Variants in MTRF1 observed in about 807,000 individuals in gnomAD.
MTRF1 encodes mitochondrial translation release factor 1, also known as peptide chain release factor 1, mitochondrial.
Under a neutral mutation model 62.9 loss-of-function variants are expected in MTRF1, and 51 were observed. That is an observed-to-expected ratio of 0.81 (90% confidence interval 0.65 to 1.02). MTRF1 has a LOEUF of 1.02. Among genes scored for constraint, MTRF1 ranks in the 50% least tolerant of loss-of-function variants. The pLI is 0.00. For missense variants in MTRF1, 446 were observed against 530.0 expected (o/e 0.84, Z 1.56); for synonymous variants, 158 against 181.9 (o/e 0.87, Z 1.06).
At chr13:41,247,926 CTAG>C (rs1386617023) in intron 5 of MTRF1, among the ~76,000 whole-genome samples, 1 of 152,174 alleles carries the variant, frequency 6.6e-6, no homozygotes, top group African/African-American at 2.4e-5. Context: ...CCTATCCTGA[CTAG>C]TAGATCACAG....
intron 2 of MTRF1, among the ~76,000 whole-genome samples, chr13:41,257,134 G>A (rs117230980): frequency 0.029 from 4,378 of 152,274 alleles, 100 homozygotes; most frequent in Non-Finnish European, 0.039. Context: ...AATATATCCA[G>A]AGAATGGCAA....
chr13:41,237,446 C>A (rs901554039), intron 6 of MTRF1, among the ~76,000 whole-genome samples: 11 of 151,476 alleles, frequency 7.3e-5, no homozygotes, highest in Admixed American at 6.6e-5. Flanking sequence ...AATAACATAA[C>A]CACACAGAAA....
chr13:41,230,519 C>T (rs183171724), intron 7 of MTRF1, among the ~76,000 whole-genome samples: 1 of 151,222 alleles, frequency 6.6e-6, no homozygotes, highest in African/African-American at 2.4e-5. Flanking sequence ...CTGCCTTGGC[C>T]TCCCAAAGTG....
intron 2 of MTRF1, among the ~76,000 whole-genome samples, chr13:41,259,712 A>AAAAAAAAAAAAAC (rs1555268029): frequency 1.5e-5 from 2 of 136,712 alleles, no homozygotes; most frequent in African/African-American, 5.5e-5. Context: ...AAAAAAAAAA[A>AAAAAAAAAAAAAC]AAAAAAAAAC....
chr13:41,284,515 G>A, the MTRF1 span, among the ~76,000 whole-genome samples: 1 of 147,302 alleles, frequency 6.8e-6, no homozygotes, highest in Non-Finnish European at 1.5e-5. Context: ...CTGCACTCCA[G>A]CCTGGGTGAC....
chr13:41,229,341 A>C (rs2035082001), intron 7 of MTRF1: 1 of 152,228 alleles, frequency 6.6e-6, no homozygotes, highest in South Asian at 2.1e-4. Context: ...GTGAACATTC[A>C]AAATCTTCTC....
intron 5 of MTRF1, among the ~76,000 whole-genome samples, chr13:41,248,470 C>G (rs1226950958): frequency 6.6e-6 from 1 of 152,200 alleles, no homozygotes; most frequent in African/African-American, 2.4e-5. Flanking sequence ...CTGCCTACTA[C>G]TTGGTGTTTG....
the MTRF1 span, among the ~76,000 whole-genome samples, chr13:41,283,975 C>T: frequency 1.7e-3 from 263 of 152,186 alleles, no homozygotes; most frequent in Non-Finnish European, 3.3e-3. Context: ...GTGGGGGAAA[C>T]ATTCCCCAGT....
At chr13:41,269,054 A>T in the MTRF1 span, among the ~76,000 whole-genome samples, 1 of 149,012 alleles carries the variant, frequency 6.7e-6, no homozygotes. Flanking sequence ...TTTAGTCTAG[A>T]ACTAAATTTA....
the MTRF1 span, among the ~76,000 whole-genome samples, chr13:41,308,160 G>A: frequency 2.6e-5 from 4 of 152,172 alleles, no homozygotes; most frequent in South Asian, 2.1e-4. Flanking sequence ...TGCTACCACA[G>A]AGAGTGAAGA....
In MTRF1 at chr13:41,234,325, G is replaced by A. The variant is rs552984308; in HGVS notation, c.871-318C>T. Among the ~76,000 whole-genome samples the A allele has an allele frequency of 4.5e-4, 69 of 152,206 alleles. No homozygotes were observed. In the South Asian group the frequency reaches 5.2e-3, roughly 11 times the overall value. On this transcript the variant is annotated intron_variant, in intron 6 of 9. Coordinates refer to ENST00000379480, the MANE Select transcript of MTRF1 (RefSeq NM_004294.4). ...GCTGAGTAGCTAGGACTACTGGTGC[G>A]CACTACCGTGCCATGTTAATTTTAA...
chr13:41,253,308 G>C (rs1035856550), intron 3 of MTRF1, among the ~76,000 whole-genome samples: 2 of 152,052 alleles, frequency 1.3e-5, no homozygotes, highest in Admixed American at 1.3e-4. Flanking sequence ...CAAAGTCCAG[G>C]GTGTTCCATT....
intron 6 of MTRF1, among the ~76,000 whole-genome samples, chr13:41,234,605 C>T (rs1479755418): frequency 6.6e-6 from 1 of 152,174 alleles, no homozygotes; most frequent in East Asian, 1.9e-4. Flanking sequence ...ATATAAAATA[C>T]ACACATATAT....
the MTRF1 span, among the ~76,000 whole-genome samples, chr13:41,302,694 T>C: frequency 1.3e-5 from 2 of 152,094 alleles, no homozygotes; most frequent in African/African-American, 4.8e-5. Context: ...CACGCCTGGC[T>C]AAACTACTTT....
intron 8 of MTRF1, among the ~76,000 whole-genome samples, chr13:41,224,394 AATAAG>A (rs1250134375): frequency 2.6e-5 from 4 of 152,220 alleles, no homozygotes. Context: ...CACTTTTTAA[AATAAG>A]ATATTTCTAT....
At chr13:41,262,084 C>T (rs1343475156) in intron 1 of MTRF1, 1 of 151,300 alleles carries the variant, frequency 6.6e-6, no homozygotes, top group Non-Finnish European at 1.5e-5. Flanking sequence ...CGCCTGTAAT[C>T]CTACCACTTT....
the MTRF1 span, among the ~76,000 whole-genome samples, chr13:41,308,348 G>C: frequency 1.3e-5 from 2 of 152,170 alleles, no homozygotes; most frequent in Admixed American, 6.5e-5. Flanking sequence ...AAAAGTCCAT[G>C]TCCTATGAGG....
chr13:41,252,564 T>A, intron 5 of MTRF1, 81 bp downstream of exon 5: 2 of 1,078,330 alleles, frequency 1.9e-6, no homozygotes, highest in Non-Finnish European at 2.7e-6. Flanking sequence ...CAAAAAAAAA[T>A]GGGACAATAT....
intron 9 of MTRF1, 28 bp downstream of exon 9, chr13:41,223,228 G>A: frequency 6.7e-7 from 1 of 1,488,732 alleles, no homozygotes; most frequent in South Asian, 1.2e-5. Flanking sequence ...GAAATCAAAG[G>A]TAGGCAAAGC....
Sources: gnomAD v4.1 joint callset for allele counts (sites outside exome capture counted in the v4.1 genomes callset) on GRCh38, gnomAD v4.1.1 for gene constraint, MANE v1.5 for transcripts, NCBI Gene and HGNC (gene_info 2026-07-23, HGNC 2026-07-21) for gene names.